Variants in UGT2A3 observed in about 807,000 individuals in gnomAD.
The protein encoded by UGT2A3 is UDP glucuronosyltransferase family 2 member A3.
Under a neutral mutation model 44.1 loss-of-function variants are expected in UGT2A3, and 55 were observed. The observed-to-expected ratio is 1.25, with a 90% CI of 1.00 to 1.56. UGT2A3 has a LOEUF of 1.56. Among genes scored for constraint, UGT2A3 ranks in the 40% most tolerant of loss-of-function variants. The pLI, the probability that UGT2A3 is intolerant of heterozygous loss-of-function variation, is 0.00. For missense variants in UGT2A3, 733 were observed against 621.6 expected (o/e 1.18, Z -1.91); for synonymous variants, 243 against 215.1 (o/e 1.13, Z -1.13).
chr4:68,951,776 A>G lies in UGT2A3; in HGVS notation c.-16T>C, dbSNP rs1718607964. 1.9e-6 allele frequency: 3 copies of G among 1,546,128 alleles called. No homozygotes were observed. Among genetic ancestry groups the G allele is most frequent in the East Asian group, 4.5e-5 (2 of 43,970 alleles). ...CAGACCTCATGATGGCAGTTCCCTC[A>G]CACACTGATCTGCAATGGTTTTGTA... On this transcript the variant is annotated 5_prime_UTR_variant, in exon 1 of 6. Coordinates refer to ENST00000251566, the MANE Select transcript of UGT2A3 (RefSeq NM_024743.4).
intron 1 of UGT2A3, among the ~76,000 whole-genome samples, chr4:68,947,973 A>G (rs949566426): frequency 1.3e-5 from 2 of 151,850 alleles, no homozygotes; most frequent in African/African-American, 4.8e-5. Context: ...AGAGTCCTCT[A>G]TAATTATTAC....
In UGT2A3 at chr4:68,928,991, A is replaced by G. The variant is rs1055019237; in HGVS notation, c.*822T>C. On this transcript the variant is annotated 3_prime_UTR_variant, in exon 6 of 6. Coordinates refer to ENST00000251566, the MANE Select transcript of UGT2A3 (RefSeq NM_024743.4). ...TTCATCATTTTTAAAGAATAAACATATAAATCTTCTTTAAGTGTACTATCA... is the reference window on the plus strand; with the variant it reads ...TTCATCATTTTTAAAGAATAAACATGTAAATCTTCTTTAAGTGTACTATCA... The G allele has an allele frequency of 6.6e-6, 1 of 152,084 alleles. No homozygotes were observed. Among genetic ancestry groups the G allele is most frequent in the African/African-American group, 2.4e-5 (1 of 41,458 alleles). The allele number at this position is 152,084 out of a possible 1,614,324, so 9.4% of individuals were successfully genotyped here. A position where few individuals can be genotyped will look rare whatever the true frequency, so the allele number is the denominator to read the frequency against.
chr4:68,940,381 A>T (rs1012239958), intron 2 of UGT2A3, among the ~76,000 whole-genome samples: 5 of 152,120 alleles, frequency 3.3e-5, no homozygotes, highest in African/African-American at 1.2e-4. Flanking sequence ...AATAAGGATG[A>T]GTTCATGTCC....
intron 3 of UGT2A3, among the ~76,000 whole-genome samples, chr4:68,931,861 A>C (rs1224782241): frequency 2.0e-5 from 3 of 152,000 alleles, no homozygotes; most frequent in African/African-American, 7.2e-5. Flanking sequence ...TACAAATTTT[A>C]TACATTTGAA....
intron 5 of UGT2A3, 45 bp from the exon 6 acceptor site, chr4:68,930,137 G>A: frequency 6.4e-7 from 1 of 1,557,688 alleles, no homozygotes; most frequent in Non-Finnish European, 8.7e-7. Flanking sequence ...TTGTAGTTTT[G>A]TTTTCATAAA....
chr4:68,942,353 G>A (rs1718221116), intron 2 of UGT2A3, among the ~76,000 whole-genome samples: 1 of 135,960 alleles, frequency 7.4e-6, no homozygotes, highest in East Asian at 2.1e-4. Context: ...ATATATATAT[G>A]CAATGAAATG....
At chr4:68,930,388 T>C (rs1717684775) in intron 5 of UGT2A3, among the ~76,000 whole-genome samples, 158 bp downstream of exon 5, 1 of 152,098 alleles carries the variant, frequency 6.6e-6, no homozygotes, top group South Asian at 2.1e-4. Context: ...CTCTATGAAC[T>C]ACAATTTCCA....
intron 2 of UGT2A3, among the ~76,000 whole-genome samples, chr4:68,933,833 A>T (rs186205078): frequency 6.6e-6 from 1 of 152,168 alleles, no homozygotes; most frequent in Non-Finnish European, 1.5e-5. Context: ...CCCAGACAGG[A>T]AAACAACAGC....
intron 4 of UGT2A3, 83 bp from the exon 5 acceptor site, chr4:68,930,848 C>T (rs547630058): frequency 3.4e-5 from 41 of 1,192,402 alleles, no homozygotes; most frequent in African/African-American, 1.2e-4. Flanking sequence ...ATGGGAATTA[C>T]GAGATAACTC....
chr4:68,931,336 C>T, intron 3 of UGT2A3, 94 bp from the exon 4 acceptor site: 1 of 998,184 alleles, frequency 1.0e-6, no homozygotes, highest in Non-Finnish European at 1.5e-6. Flanking sequence ...ACTCATTGTA[C>T]TTCAGGTGAT....
intron 1 of UGT2A3, among the ~76,000 whole-genome samples, chr4:68,949,833 A>G (rs1718514764): frequency 6.6e-6 from 1 of 151,866 alleles, no homozygotes; most frequent in Admixed American, 6.6e-5. Flanking sequence ...ATAATCAATA[A>G]TTTAGTAAGT....
chr4:68,933,155 AAGTACAAC>A, intron 2 of UGT2A3, among the ~76,000 whole-genome samples: 1 of 152,086 alleles, frequency 6.6e-6, no homozygotes, highest in Non-Finnish European at 1.5e-5. Context: ...TCGCTTTTAA[AAGTACAAC>A]TAGCAACTAT....
At chr4:68,937,196 A>G (rs1428349832) in intron 2 of UGT2A3, among the ~76,000 whole-genome samples, 1 of 152,174 alleles carries the variant, frequency 6.6e-6, no homozygotes, top group African/African-American at 2.4e-5. Context: ...ACTTGAACTC[A>G]GCTCTGCTCC....
Position 68,951,458 on chromosome 4 carries a change from T to G in UGT2A3, c.303A>C (p.Leu101Phe). 1 of 1,612,398 alleles carries G rather than the reference T, an allele frequency of 6.2e-7. No individual in the cohort carries two copies. Among genetic ancestry groups the G allele is most frequent in the Non-Finnish European group, 8.5e-7 (1 of 1,179,200 alleles). Residue 101 changes from leucine to phenylalanine, a missense_variant, in exon 1 of 6, where the codon TTA becomes TTC. By Grantham distance (22) the Leu-to-Phe change is conservative. Transcript: ENST00000251566. ...ATTTTATAACTGATTGCCAGGTTGA[T>G]AAGCCTGGCAAGACATTCAGAGCTA... is the stretch of plus-strand genomic sequence containing the variant. ...VDLALNVLPG[L>F]STWQSVIKLN...
At position 68,941,243 on chromosome 4, in the gene UGT2A3, C is replaced by T. The variant is rs116348514; in HGVS notation, c.864+4063G>A. ...CCAAGCAGAAGTCAGTGCTGTGCTT[C>T]TTGTACAGTATGCAGAACTATCATT... On this transcript the variant is annotated intron_variant, in intron 2 of 5. Transcript: ENST00000251566. Among the ~76,000 whole-genome samples the T allele has an allele frequency of 1.7e-3, 261 of 151,822 alleles. 1 individual carries two copies. Among genetic ancestry groups the T allele is most frequent in the African/African-American group, 6.0e-3 (247 of 41,468 alleles).
Position 68,932,902 on chromosome 4 carries a change from A to C in UGT2A3, c.865-143T>G, listed in dbSNP as rs1030346080. 3 of 801,152 alleles carry C rather than the reference A, an allele frequency of 3.7e-6. No individual in the cohort carries two copies. The African/African-American group carries it at 5.2e-5, about 14-fold the overall frequency. 49.6% of individuals were successfully genotyped at this position (801,152 alleles called of 1,614,324 possible). A position where few individuals can be genotyped will look rare whatever the true frequency, so the allele number is the denominator to read the frequency against. On this transcript the variant is annotated intron_variant, in intron 2 of 5. Transcript: ENST00000251566. ...TCCCTATATGCTGACACACAGAACT[A>C]TCTAGTCTCTTTAAAGGACAGTCTA...
At position 68,928,919 on chromosome 4, in the gene UGT2A3, T is replaced by C. The variant is rs1438138508; in HGVS notation, c.*894A>G. 6.6e-6 allele frequency: 1 copy of C among 152,080 alleles called. No individual in the cohort carries two copies. Among genetic ancestry groups the C allele is most frequent in the African/African-American group, 2.4e-5 (1 of 41,458 alleles). The allele number at this position is 152,080 out of a possible 1,614,324, so 9.4% of individuals were successfully genotyped here. On this transcript the variant is annotated 3_prime_UTR_variant, in exon 6 of 6. Coordinates refer to ENST00000251566, the MANE Select transcript of UGT2A3 (RefSeq NM_024743.4). The stretch of plus-strand genomic sequence containing the variant: ...TTCAGAACAAGCATCTCTTTATTTT[T>C]CTACAGTAAATTATACTTTTGATTA...
chr4:68,937,396 G>T (rs936224216), intron 2 of UGT2A3, among the ~76,000 whole-genome samples: 1 of 152,074 alleles, frequency 6.6e-6, no homozygotes, highest in Non-Finnish European at 1.5e-5. Flanking sequence ...TAGAACTCAG[G>T]ATTAAGAAAC....
Position 68,929,645 on chromosome 4 carries a change from C to A in UGT2A3, c.*168G>T. On this transcript the variant is annotated 3_prime_UTR_variant, in exon 6 of 6. Transcript: ENST00000251566. ...AGTAAAGACACCTAGGAAAATACAA[C>A]GAAAGAATGAGATATACTCACAACC... The A allele has an allele frequency of 5.1e-6, 3 of 584,898 alleles. No individual in the cohort carries two copies. The highest frequency in any genetic ancestry group is 1.9e-5 in the African/African-American group (1 of 53,406). The allele number at this position is 584,898 out of a possible 1,614,324, so 36.2% of individuals were successfully genotyped here.
Sources: gnomAD v4.1 joint callset for allele counts (sites outside exome capture counted in the v4.1 genomes callset) on GRCh38, gnomAD v4.1.1 for gene constraint, MANE v1.5 for transcripts, NCBI Gene and HGNC (gene_info 2026-07-23, HGNC 2026-07-21) for gene names.